ATRNL1: variants seen among roughly 807,000 people sequenced by gnomAD.
ATRNL1 encodes attractin-like protein 1.
Under a neutral mutation model 182.7 loss-of-function variants are expected in ATRNL1, and 95 were observed. That is an observed-to-expected ratio of 0.52 (90% CI 0.44 to 0.62). The LOEUF (loss-of-function observed/expected upper bound fraction) is 0.62. Among genes scored for constraint, ATRNL1 ranks in the 20% least tolerant of loss-of-function variants. The probability of loss-of-function intolerance (pLI) is 0.00; values close to 1 mark genes in which losing one functional copy is unlikely to be tolerated. For synonymous variants in ATRNL1, 576 were observed against 568.3 expected (o/e 1.01, Z -0.19); for missense variants, 1,471 against 1,679.5 (o/e 0.88, Z 2.17).
At chr10:115,300,691 C>A (rs1554924205) in intron 16 of ATRNL1, among the ~76,000 whole-genome samples, 2 of 152,024 alleles carry the variant, frequency 1.3e-5, no homozygotes, top group African/African-American at 2.4e-5. Flanking sequence ...ATATTGAATT[C>A]TTTTCTTTTA....
At chr10:115,843,117 C>T (rs143237083) in intron 27 of ATRNL1, among the ~76,000 whole-genome samples, 2 of 152,142 alleles carry the variant, frequency 1.3e-5, no homozygotes, top group South Asian at 2.1e-4. Context: ...CTTTCACTTA[C>T]CATGTGCAAT....
intron 13 of ATRNL1, among the ~76,000 whole-genome samples, chr10:115,281,066 T>C (rs919232984): frequency 6.6e-6 from 1 of 152,216 alleles, no homozygotes; most frequent in East Asian, 1.9e-4. Context: ...ATTGCTGTGA[T>C]TGGCTGGGAC....
intron 8 of ATRNL1, among the ~76,000 whole-genome samples, chr10:115,209,509 T>C (rs1334912306): frequency 2.0e-5 from 3 of 151,346 alleles, no homozygotes; most frequent in Non-Finnish European, 2.9e-5. Flanking sequence ...GAACTCTTGG[T>C]ATATTTGAGT....
chr10:115,720,155 G>A (rs549644152), intron 26 of ATRNL1, among the ~76,000 whole-genome samples: 54 of 152,146 alleles, frequency 3.5e-4, no homozygotes, highest in Non-Finnish European at 7.4e-4. Flanking sequence ...GAGCCACTGC[G>A]TCTGGCCCCT....
intron 10 of ATRNL1, among the ~76,000 whole-genome samples, chr10:115,244,796 C>G (rs1440185297): frequency 6.6e-6 from 1 of 152,100 alleles, no homozygotes; most frequent in East Asian, 1.9e-4. Flanking sequence ...TTAGAATTCA[C>G]ACAGAATTCT....
chr10:115,878,418 G>A (rs2901093), intron 28 of ATRNL1, among the ~76,000 whole-genome samples: 187 of 152,318 alleles, frequency 1.2e-3, no homozygotes, highest in Middle Eastern at 3.4e-3. Context: ...ATGTGGACAA[G>A]AAGCCTCAAT....
intron 8 of ATRNL1, among the ~76,000 whole-genome samples, chr10:115,208,307 C>A (rs368467613): frequency 6.6e-6 from 1 of 151,886 alleles, no homozygotes; most frequent in Non-Finnish European, 1.5e-5. Context: ...TGTTTTATTT[C>A]TGGGTCTCTT....
intron 8 of ATRNL1, among the ~76,000 whole-genome samples, chr10:115,190,122 A>T (rs1848112402): frequency 6.6e-6 from 1 of 152,098 alleles, no homozygotes; most frequent in South Asian, 2.1e-4. Context: ...ATACTCTATG[A>T]TGTTCACACA....
chr10:115,549,668 C>A, intron 26 of ATRNL1, 132 bp downstream of exon 26: 1 of 526,096 alleles, frequency 1.9e-6, no homozygotes, highest in Admixed American at 4.1e-5. Flanking sequence ...ATTCAAAAAT[C>A]ACTCTAGTAT....
rs143675465 is a variant in ATRNL1, at chr10:115,307,414, C to T, written c.2818+5371C>T. 1.7e-3 allele frequency among the ~76,000 whole-genome samples: 258 copies of T among 152,094 alleles called. 4 individuals are homozygous for T. The East Asian group carries it at 0.045, about 26-fold the overall frequency. The stretch of plus-strand genomic sequence containing the variant: ...AGTAGCTGGGACTACAGGTGCCTGC[C>T]CCATGCCTGGCTGATTTTTGTGTTT... On this transcript the variant is annotated intron_variant, in intron 17 of 28. Transcript: ENST00000355044.
chr10:115,220,498 A>G (rs184980789), intron 9 of ATRNL1: 2 of 152,178 alleles, frequency 1.3e-5, no homozygotes, highest in Non-Finnish European at 1.5e-5. Context: ...TGAACCCGTA[A>G]TTTAAGTAAG....
intron 27 of ATRNL1, among the ~76,000 whole-genome samples, chr10:115,807,003 T>C (rs1365542649): frequency 2.0e-5 from 3 of 152,148 alleles, no homozygotes; most frequent in Admixed American, 6.5e-5. Flanking sequence ...AGGTGACAAA[T>C]TTAAGTTTTT....
chr10:115,611,469 G>T (rs1189270664), intron 26 of ATRNL1, among the ~76,000 whole-genome samples: 3 of 151,964 alleles, frequency 2.0e-5, no homozygotes, highest in East Asian at 1.9e-4. Flanking sequence ...CTTTTAGGAT[G>T]ATATAATTCA....
intron 4 of ATRNL1, 72 bp from the exon 5 acceptor site, chr10:115,129,255 G>A: frequency 8.9e-7 from 1 of 1,121,454 alleles, no homozygotes; most frequent in Non-Finnish European, 1.3e-6. Flanking sequence ...AAATTATAAA[G>A]TTTATGATGT....
chr10:115,271,324 G>C (rs528207162), intron 13 of ATRNL1, among the ~76,000 whole-genome samples: 101 of 151,726 alleles, frequency 6.7e-4, no homozygotes, highest in Non-Finnish European at 1.3e-3. Flanking sequence ...AGGGTACATG[G>C]GCACAATGTG....
chr10:115,819,160 A>G (rs551663381), intron 27 of ATRNL1, among the ~76,000 whole-genome samples: 1 of 152,118 alleles, frequency 6.6e-6, no homozygotes, highest in African/African-American at 2.4e-5. Context: ...ACCACACTCC[A>G]TATGCCTGTG....
chr10:115,534,299 G>T (rs961357861), intron 25 of ATRNL1, among the ~76,000 whole-genome samples: 5 of 151,762 alleles, frequency 3.3e-5, no homozygotes, highest in Non-Finnish European at 7.4e-5. Flanking sequence ...TGTATTGGGT[G>T]CATATATATT....
At chr10:115,507,472 T>C (rs1306075685) in intron 24 of ATRNL1, among the ~76,000 whole-genome samples, 1 of 152,080 alleles carries the variant, frequency 6.6e-6, no homozygotes, top group Non-Finnish European at 1.5e-5. Flanking sequence ...ACAGGTAACC[T>C]AATAATGATA....
chr10:115,902,603 C>T (rs954474000), intron 28 of ATRNL1, among the ~76,000 whole-genome samples: 8 of 152,124 alleles, frequency 5.3e-5, no homozygotes, highest in East Asian at 1.9e-4. Context: ...AATGTCCCCA[C>T]GTTTTTGATG....
Sources: allele counts gnomAD v4.1 joint callset (sites outside exome capture counted in the v4.1 genomes callset), GRCh38; gene constraint gnomAD v4.1.1; transcripts MANE v1.5; gene names NCBI Gene and HGNC (gene_info 2026-07-23, HGNC 2026-07-21).